The following ZDHHC22 variants were observed in gnomAD, a reference collection of about 807,000 sequenced individuals.
ZDHHC22 encodes palmitoyltransferase ZDHHC22.
ZDHHC22 carries 13 observed loss-of-function variants against 17.0 expected under a neutral mutation model. That is an observed-to-expected ratio of 0.76 (90% CI 0.50 to 1.21). The LOEUF is 1.21. ZDHHC22 is among the 50% of genes most tolerant of loss of function. ZDHHC22 has a pLI of 0.00. For missense variants in ZDHHC22, 319 were observed against 342.3 expected, an observed-to-expected ratio of 0.93 and a Z score of 0.54; for synonymous variants, 138 against 154.7, an observed-to-expected ratio of 0.89 and a Z score of 0.80.
rs2140047135 is a variant in ZDHHC22 at position 77,132,000 on chromosome 14, T to G, written c.*1683A>C. ...ATCTCTGCTCAAGAACCCAGGCTGT[T>G]GCGCAGCTATCAGCGGGTCACTGCA... On this transcript the variant is annotated 3_prime_UTR_variant, in exon 3 of 3. Coordinates refer to ENST00000319374, the MANE Select transcript of ZDHHC22 (RefSeq NM_174976.2). The G allele has an allele frequency of 6.6e-6, 1 of 152,380 alleles. No homozygotes were observed. Among genetic ancestry groups the G allele is most frequent in the East Asian group, 1.9e-4 (1 of 5,190 alleles). The allele number at this position is 152,380 out of a possible 1,614,324, so 9.4% of individuals were successfully genotyped here. A position where few individuals can be genotyped will look rare whatever the true frequency, so the allele number is the denominator to read the frequency against.
Position 77,139,661 on chromosome 14 carries a change from C to T in ZDHHC22, c.78G>A (p.Gln26=). Residue 26 remains glutamine (Q), a synonymous_variant, in exon 2 of 3, where the codon CAG becomes CAA. Coordinates refer to ENST00000319374, the MANE Select transcript of ZDHHC22 (RefSeq NM_174976.2). ...LCISLVTFVL[Q]LFLFLPSMRE... is the part of the protein sequence containing the mutation. ...GCATGCTGGGCAGGAAGAGGAAGAG[C>T]TGCAGCACGAAGGTCACCAGGGAGA... is the stretch of plus-strand genomic sequence containing the variant. 2 of 1,568,776 alleles carry T rather than the reference C, an allele frequency of 1.3e-6. No individual in the cohort carries two copies. The highest frequency in any genetic ancestry group is 1.7e-6 in the Non-Finnish European group (2 of 1,157,172).
rs1566812674 is a variant in ZDHHC22, at chr14:77,139,475, T to C, written c.264A>G (p.Pro88=). 2 of 1,613,098 alleles carry C rather than the reference T, an allele frequency of 1.2e-6. No individual in the cohort carries two copies. The highest frequency in any genetic ancestry group is 1.7e-6 in the Non-Finnish European group (2 of 1,179,602). ...AGAAGTGGGTGCTAGGTGAGGGGCA[T>C]GGAGTCTTCCTGGCCGAGGCCCCCT... is the stretch of plus-strand genomic sequence containing the variant. ...ACQGASARKT[P]CPSPSTHFCR... Residue 88 remains proline, a synonymous_variant, in exon 2 of 3, where the codon CCA becomes CCG. Transcript: ENST00000319374.
chr14:77,139,314 A>G lies in ZDHHC22; in HGVS notation c.425T>C (p.Val142Ala), dbSNP rs1377900916. ...AGCGGAGATGTAGGCCACGCCGGCCACCATGGAGTAGAGGCAGGCCAGGGA... is the reference window on the plus strand; with the variant it reads ...AGCGGAGATGTAGGCCACGCCGGCCGCCATGGAGTAGAGGCAGGCCAGGGA... The part of the protein sequence containing the change: ...YTSLACLYSM[V>A]AGVAYISAVL... The change falls in exon 2 of 3, where the codon GTG (valine) becomes GCG (alanine). Residue 142 changes from valine to alanine, a missense_variant. Coordinates refer to ENST00000319374, the MANE Select transcript of ZDHHC22 (RefSeq NM_174976.2). 1 of 1,600,836 alleles carries G rather than the reference A, an allele frequency of 6.2e-7. No individual in the cohort carries two copies. The highest frequency in any genetic ancestry group is 8.5e-7 in the Non-Finnish European group (1 of 1,173,976).
rs1887067227 is a variant in ZDHHC22 at position 77,133,235 on chromosome 14, A to G, written c.*448T>C. 1 of 159,626 alleles carries G rather than the reference A, an allele frequency of 6.3e-6. No individual in the cohort carries two copies. The highest frequency in any genetic ancestry group is 1.4e-5 in the Non-Finnish European group (1 of 72,670). The allele number at this position is 159,626 out of a possible 1,614,324, so 9.9% of individuals were successfully genotyped here. On this transcript the variant is annotated 3_prime_UTR_variant, in exon 3 of 3. Transcript: ENST00000319374. ...CAGAGCTGACTTGGCTGCCTCTTAC[A>G]CGTGGTGATTTTAAACATTTGCCAG... is the stretch of plus-strand genomic sequence containing the variant.
intron 2 of ZDHHC22, among the ~76,000 whole-genome samples, chr14:77,137,793 CAG>C (rs1250157109): frequency 6.6e-6 from 1 of 152,204 alleles, no homozygotes; most frequent in African/African-American, 2.4e-5. Flanking sequence ...CAGAGTAGAG[CAG>C]AATTTTTATG....
intron 2 of ZDHHC22, among the ~76,000 whole-genome samples, chr14:77,134,531 T>C (rs1375515983): frequency 6.6e-6 from 1 of 152,018 alleles, no homozygotes; most frequent in Non-Finnish European, 1.5e-5. Context: ...AACACCAACG[T>C]AGAGAATAAT....
In ZDHHC22 at chr14:77,133,013, T is replaced by C. The variant is rs944388575; in HGVS notation, c.*670A>G. ...GGAAGCATCCAGCCAGGTCCTGGAC[T>C]GGGCTGGGCCGGCCAGATGGGGCAG... is the stretch of plus-strand genomic sequence containing the variant. On this transcript the variant is annotated 3_prime_UTR_variant, in exon 3 of 3. Transcript: ENST00000319374. The C allele has an allele frequency of 1.1e-4, 17 of 152,194 alleles. No homozygotes were observed. The highest frequency in any genetic ancestry group is 1.1e-3 in the Admixed American group (17 of 15,276). The allele number at this position is 152,194 out of a possible 1,614,324, so 9.4% of individuals were successfully genotyped here. A position where few individuals can be genotyped will look rare whatever the true frequency, so the allele number is the denominator to read the frequency against.
rs978861419 is a variant in ZDHHC22, at chr14:77,133,114, G to A, written c.*569C>T. The A allele has an allele frequency of 1.3e-5, 2 of 152,666 alleles. No individual in the cohort carries two copies. Among genetic ancestry groups the A allele is most frequent in the Non-Finnish European group, 2.9e-5 (2 of 68,430 alleles). 9.5% of individuals were successfully genotyped at this position (152,666 alleles called of 1,614,324 possible). The stretch of plus-strand genomic sequence containing the variant: ...CCAGAAAAAGGGTCTTGAACCTGGT[G>A]GGGGGTGGTGAGGGAGCAGCAAGCT... On this transcript the variant is annotated 3_prime_UTR_variant, in exon 3 of 3. Coordinates refer to ENST00000319374, the MANE Select transcript of ZDHHC22 (RefSeq NM_174976.2).
rs911700247 is a variant in ZDHHC22, at chr14:77,133,533, G to A, written c.*150C>T. 1.0e-5 allele frequency: 11 copies of A among 1,092,244 alleles called. No homozygotes were observed. The African/African-American group carries it at 1.3e-4, about 13-fold the overall frequency. 67.7% of individuals were successfully genotyped at this position (1,092,244 alleles called of 1,614,324 possible). A position where few individuals can be genotyped will look rare whatever the true frequency, so the allele number is the denominator to read the frequency against. On this transcript the variant is annotated 3_prime_UTR_variant, in exon 3 of 3. Coordinates refer to ENST00000319374, the MANE Select transcript of ZDHHC22 (RefSeq NM_174976.2). ...TCCTTGTCATGATCCACCAGCTCAC[G>A]CTGTTCTCATGGGTGGAAGGTGAGG...
At chr14:77,136,706 T>C (rs34980143) in intron 2 of ZDHHC22, among the ~76,000 whole-genome samples, 19,549 of 152,230 alleles carry the variant, frequency 0.13, 1,340 homozygotes, top group East Asian at 0.18. Flanking sequence ...CTCACAGCCA[T>C]CCATGCTCTG....
Position 77,139,599 on chromosome 14 carries a change from G to A in ZDHHC22, c.140C>T (p.Ala47Val). 2 of 1,591,560 alleles carry A rather than the reference G, an allele frequency of 1.3e-6. No homozygotes were observed. The highest frequency in any genetic ancestry group is 1.7e-6 in the Non-Finnish European group (2 of 1,168,764). Reference protein sequence around the residue: ...DPAAARLFSPALLHGALFLFL... With the variant: ...DPAAARLFSPVLLHGALFLFL... ...TAGGAAGAGCGCCCCGTGGAGCAGGGCGGGCGAGAAGAGCCGGGCGGCCGC... is the reference window on the plus strand; with the variant it reads ...TAGGAAGAGCGCCCCGTGGAGCAGGACGGGCGAGAAGAGCCGGGCGGCCGC... Residue 47 changes from alanine (A) to valine (V), a missense_variant, in exon 2 of 3, where the codon GCC becomes GTC. Ala to Val is a moderately conservative substitution (Grantham distance 64). Coordinates refer to ENST00000319374, the MANE Select transcript of ZDHHC22 (RefSeq NM_174976.2).
chr14:77,137,897 G>A (rs939550253), intron 2 of ZDHHC22, among the ~76,000 whole-genome samples: 1 of 152,166 alleles, frequency 6.6e-6, no homozygotes, highest in African/African-American at 2.4e-5. Flanking sequence ...GCCAACAGGT[G>A]AGGAAGCATG....
At chr14:77,141,834 C>T (rs1438115257), upstream of ZDHHC22, 1 of 152,236 alleles carries the variant, frequency 6.6e-6, no homozygotes, top group Admixed American at 6.5e-5. Context: ...CCCCCAGCCC[C>T]GCCACCCCTC....
At position 77,139,756 on chromosome 14, in the gene ZDHHC22, C is replaced by A. The variant is rs1887214004; in HGVS notation, c.-14-4G>T. The stretch of plus-strand genomic sequence containing the variant: ...GCCAGCATCCTCGATTACATTCCTG[C>A]GGGGCCCGGGGTGAGAAGAGGACTG... On this transcript the variant is annotated splice_polypyrimidine_tract_variant and splice_region_variant and intron_variant, in intron 1 of 2. Transcript: ENST00000319374. 2.7e-6 allele frequency: 4 copies of A among 1,470,940 alleles called. No individual in the cohort carries two copies. Among genetic ancestry groups the A allele is most frequent in the Middle Eastern group, 2.5e-4 (1 of 4,020 alleles). 91.1% of individuals were successfully genotyped at this position (1,470,940 alleles called of 1,614,324 possible). A position where few individuals can be genotyped will look rare whatever the true frequency, so the allele number is the denominator to read the frequency against.
intron 2 of ZDHHC22, among the ~76,000 whole-genome samples, chr14:77,136,751 G>A (rs1022117486): frequency 1.3e-5 from 2 of 152,232 alleles, no homozygotes; most frequent in South Asian, 4.2e-4. Context: ...ACCACAGTTG[G>A]GGACAGCTCA....
chr14:77,133,865 A>C lies in ZDHHC22; in HGVS notation c.610T>G (p.Cys204Gly), dbSNP rs1887082409. 5.6e-6 allele frequency: 9 copies of C among 1,613,202 alleles called. No homozygotes were observed. The highest frequency in any genetic ancestry group is 7.6e-6 in the Non-Finnish European group (9 of 1,179,640). Residue 204 changes from cysteine to glycine, a missense_variant, in exon 3 of 3, where the codon TGC becomes GGC. Coordinates refer to ENST00000319374, the MANE Select transcript of ZDHHC22 (RefSeq NM_174976.2). ...CGGAGGATCAACAGCAGCTGGTGGC[A>C]GCAGAAGCCGGCGCAGGCCAGGCCG... ...AIGLACAGFC[C>G]HQLLLILRGQ...
At chr14:77,137,923 C>T (rs1424943186) in intron 2 of ZDHHC22, among the ~76,000 whole-genome samples, 1 of 152,154 alleles carries the variant, frequency 6.6e-6, no homozygotes, top group Non-Finnish European at 1.5e-5. Flanking sequence ...TTCCCTGAGC[C>T]ACTGCAGAAG....
chr14:77,138,359 G>A (rs73299694), intron 2 of ZDHHC22, among the ~76,000 whole-genome samples: 4,805 of 152,156 alleles, frequency 0.032, 248 homozygotes, highest in African/African-American at 0.11. Context: ...AGAGTTCAAG[G>A]CCCGCCTGGC....
intron 2 of ZDHHC22, among the ~76,000 whole-genome samples, chr14:77,136,907 A>G (rs1324123922): frequency 6.6e-6 from 1 of 152,204 alleles, no homozygotes; most frequent in Non-Finnish European, 1.5e-5. Flanking sequence ...AGTAGCTGGG[A>G]AAACAGGCAC....
Sources: gnomAD v4.1 joint callset for allele counts (sites outside exome capture counted in the v4.1 genomes callset) on GRCh38, gnomAD v4.1.1 for gene constraint, MANE v1.5 for transcripts, NCBI Gene and HGNC (gene_info 2026-07-23, HGNC 2026-07-21) for gene names.